GRIA4: variants seen among roughly 807,000 people sequenced by gnomAD.
The protein encoded by GRIA4 is glutamate receptor 4.
A neutral mutation model predicts 104.0 loss-of-function variants in GRIA4; 34 were observed. The ratio of observed to expected loss-of-function variants is 0.33; its 90% confidence interval spans 0.25 to 0.44. The LOEUF is 0.44. Ranked by LOEUF, GRIA4 falls within the 20% of genes least tolerant of loss-of-function variation. The probability of loss-of-function intolerance (pLI) is 1.00; values close to 1 mark genes in which losing one functional copy is unlikely to be tolerated. For missense variants in GRIA4, 750 were observed against 1,096.5 expected (o/e 0.68, Z 4.46); for synonymous variants, 386 against 381.9 (o/e 1.01, Z -0.13).
chr11:105,726,565 A>G (rs1011502098), intron 3 of GRIA4, among the ~76,000 whole-genome samples: 1 of 152,138 alleles, frequency 6.6e-6, no homozygotes, highest in Non-Finnish European at 1.5e-5. Context: ...TTCTTCCTCA[A>G]GTGGGTCCCT....
chr11:105,867,743 C>A (rs1945477811), intron 5 of GRIA4, among the ~76,000 whole-genome samples: 1 of 151,998 alleles, frequency 6.6e-6, no homozygotes, highest in Non-Finnish European at 1.5e-5. Flanking sequence ...AAAAGAAGCA[C>A]AATAAGAAGA....
intron 3 of GRIA4, among the ~76,000 whole-genome samples, chr11:105,704,650 T>C (rs1035592152): frequency 6.6e-6 from 1 of 152,100 alleles, no homozygotes; most frequent in Admixed American, 6.6e-5. Flanking sequence ...AAGAAAGATG[T>C]GAAAATACCT....
chr11:105,610,778 C>G, intron 1 of GRIA4, 130 bp from the exon 2 acceptor site: 1 of 510,006 alleles, frequency 2.0e-6, no homozygotes, highest in East Asian at 3.3e-5. Flanking sequence ...CGGGAAAAAT[C>G]TGGCGGCTCG....
chr11:105,685,293 G>C (rs1952843805), intron 3 of GRIA4, among the ~76,000 whole-genome samples: 1 of 152,052 alleles, frequency 6.6e-6, no homozygotes, highest in South Asian at 2.1e-4. Flanking sequence ...TTAAGAAATG[G>C]ATGACACTTC....
At chr11:105,953,456 T>A (rs1948506630) in intron 14 of GRIA4, among the ~76,000 whole-genome samples, 1 of 152,200 alleles carries the variant, frequency 6.6e-6, no homozygotes, top group African/African-American at 2.4e-5. Flanking sequence ...TCTACCTATT[T>A]CATCTTGTTA....
chr11:105,974,531 T>C (rs1858873091), intron 16 of GRIA4, 87 bp downstream of exon 16: 2 of 1,613,782 alleles, frequency 1.2e-6, no homozygotes, highest in East Asian at 2.2e-5. Flanking sequence ...ACAACGTATA[T>C]GGAACCGAAA....
In GRIA4 at chr11:105,616,311, T is replaced by A. The variant is rs114268657; in HGVS notation, c.247+3877T>A. On this transcript the variant is annotated intron_variant, in intron 3 of 16. Coordinates refer to ENST00000282499, the MANE Select transcript of GRIA4 (RefSeq NM_000829.4). ...AATCAATATTATGCCCTAGTAATGA[T>A]GAAAAAGTTTCTTTTTTAAGTTAAA... Among the ~76,000 whole-genome samples, 1,030 of 151,836 alleles carry A rather than the reference T, an allele frequency of 6.8e-3. 8 individuals carry two copies. Among genetic ancestry groups the A allele is most frequent in the African/African-American group, 0.024 (993 of 41,526 alleles).
rs557467796 is a variant in GRIA4, at chr11:105,909,730, T to A, written c.1159-705T>A. Among the ~76,000 whole-genome samples, 36 of 152,274 alleles carry A rather than the reference T, an allele frequency of 2.4e-4. 1 individual carries two copies. The South Asian group carries it at 7.5e-3, about 32-fold the overall frequency. On this transcript the variant is annotated intron_variant, in intron 9 of 16. Transcript: ENST00000282499. The stretch of plus-strand genomic sequence containing the variant: ...AAAGAATCCTAAATTTCCATTAAGA[T>A]CCCATTGTAGCTTACTACTTTGCAG...
At chr11:105,653,972 T>C (rs1951756480) in intron 3 of GRIA4, among the ~76,000 whole-genome samples, 1 of 104,568 alleles carries the variant, frequency 9.6e-6, no homozygotes, top group South Asian at 2.8e-4. Context: ...AAATGTAGTA[T>C]GTATATGCAA....
chr11:105,817,915 CATTTT>C (rs1301470374), intron 4 of GRIA4, among the ~76,000 whole-genome samples: 1 of 152,040 alleles, frequency 6.6e-6, no homozygotes, highest in Non-Finnish European at 1.5e-5. Context: ...ATATGGCAAT[CATTTT>C]AATTTACTGA....
At chr11:105,722,851 A>T (rs1236440250) in intron 3 of GRIA4, among the ~76,000 whole-genome samples, 1 of 152,170 alleles carries the variant, frequency 6.6e-6, no homozygotes, top group Non-Finnish European at 1.5e-5. Flanking sequence ...CACCAAATTT[A>T]CATAGTCTAG....
intron 4 of GRIA4, among the ~76,000 whole-genome samples, chr11:105,756,520 A>G (rs1167189489): frequency 6.6e-6 from 1 of 152,176 alleles, no homozygotes; most frequent in African/African-American, 2.4e-5. Context: ...GTTTACATAT[A>G]AATTTAGAAA....
intron 4 of GRIA4, among the ~76,000 whole-genome samples, chr11:105,781,037 G>C (rs938358643): frequency 6.6e-6 from 1 of 151,998 alleles, no homozygotes; most frequent in South Asian, 2.1e-4. Flanking sequence ...ACTCAAGTTC[G>C]CACAGTGAAG....
At chr11:105,629,194 T>C (rs1440983396) in intron 3 of GRIA4, among the ~76,000 whole-genome samples, 1 of 151,662 alleles carries the variant, frequency 6.6e-6, no homozygotes, top group Non-Finnish European at 1.5e-5. Context: ...TGAGCTATGA[T>C]TGTACTCCAG....
intron 4 of GRIA4, among the ~76,000 whole-genome samples, chr11:105,783,410 C>G (rs1941814335): frequency 6.6e-6 from 1 of 152,218 alleles, no homozygotes; most frequent in Non-Finnish European, 1.5e-5. Flanking sequence ...AGCTGTTACA[C>G]TGGGAATTAT....
At chr11:105,787,279 TTA>T in intron 4 of GRIA4, among the ~76,000 whole-genome samples, 1 of 152,238 alleles carries the variant, frequency 6.6e-6, no homozygotes, top group East Asian at 1.9e-4. Context: ...GCAATAGTGA[TTA>T]TTTTTCCCCA....
chr11:105,634,468 G>GGAAA (rs751748317), intron 3 of GRIA4, among the ~76,000 whole-genome samples: 6,580 of 93,402 alleles, frequency 0.07, 255 homozygotes, highest in Middle Eastern at 0.1. Flanking sequence ...AGAAAGAAAG[G>GGAAA]GAAAGAAAGA....
intron 4 of GRIA4, among the ~76,000 whole-genome samples, chr11:105,818,157 G>A (rs911519122): frequency 6.6e-6 from 1 of 152,076 alleles, no homozygotes; most frequent in Non-Finnish European, 1.5e-5. Flanking sequence ...GTATAGAAGA[G>A]AAGACAGGCA....
chr11:105,727,684 G>A (rs942083573), intron 3 of GRIA4, among the ~76,000 whole-genome samples: 1 of 152,128 alleles, frequency 6.6e-6, no homozygotes, highest in Non-Finnish European at 1.5e-5. Flanking sequence ...TCTCTACGCA[G>A]AAACCCTGCA....
Sources: allele counts gnomAD v4.1 joint callset (sites outside exome capture counted in the v4.1 genomes callset), GRCh38; gene constraint gnomAD v4.1.1; transcripts MANE v1.5; gene names NCBI Gene and HGNC (gene_info 2026-07-23, HGNC 2026-07-21).